The following PGAP1 variants were observed in gnomAD, a reference collection of about 807,000 sequenced individuals.
The protein encoded by PGAP1 is GPI inositol-deacylase.
PGAP1 carries 76 observed loss-of-function variants against 127.0 expected under a neutral mutation model. That is an observed-to-expected ratio of 0.60 (90% CI 0.50 to 0.72). The LOEUF (loss-of-function observed/expected upper bound fraction) is 0.72, where lower values mean the gene tolerates loss of function less well. PGAP1 is among the 30% of genes least tolerant of loss of function. PGAP1 has a pLI of 0.00. For synonymous variants in PGAP1, 362 were observed against 366.5 expected, an observed-to-expected ratio of 0.99 and a Z score of 0.14; for missense variants, 982 against 1,071.3, an observed-to-expected ratio of 0.92 and a Z score of 1.16.
rs1374716710 is a variant in PGAP1, at chr2:196,875,743, T to C, written c.1426+3A>G. 5 of 1,517,812 alleles carry C rather than the reference T, an allele frequency of 3.3e-6. No individual in the cohort carries two copies. The highest frequency in any genetic ancestry group is 4.6e-6 in the Non-Finnish European group (5 of 1,098,374). 94.0% of individuals were successfully genotyped at this position (1,517,812 alleles called of 1,614,324 possible). A position where few individuals can be genotyped will look rare whatever the true frequency, so the allele number is the denominator to read the frequency against. ...TTATGCTTTCCAAAAACAAAGTACT[T>C]ACCAAAGGAAAAAAGATGAGTTACA... On this transcript the variant is annotated splice_donor_region_variant and intron_variant, in intron 14 of 26. Transcript: ENST00000354764.
chr2:196,903,299 C>T (rs780591059), intron 4 of PGAP1, among the ~76,000 whole-genome samples: 2 of 151,080 alleles, frequency 1.3e-5, no homozygotes, highest in Admixed American at 6.6e-5. Context: ...TGGCAGTATC[C>T]CAGCTTAAAA....
intron 4 of PGAP1, among the ~76,000 whole-genome samples, chr2:196,912,316 T>G (rs1702850499): frequency 6.6e-6 from 1 of 152,066 alleles, no homozygotes; most frequent in Admixed American, 6.6e-5. Flanking sequence ...AAACACATCT[T>G]AAGAGACAGG....
At chr2:196,878,906 G>C (rs80096565) in intron 13 of PGAP1, among the ~76,000 whole-genome samples, 2 of 152,156 alleles carry the variant, frequency 1.3e-5, no homozygotes, top group Non-Finnish European at 2.9e-5. Context: ...TGAGCATCTG[G>C]AATGTGACTA....
chr2:196,911,510 G>A (rs1157351206), intron 4 of PGAP1, among the ~76,000 whole-genome samples: 1 of 95,542 alleles, frequency 1.0e-5, no homozygotes, highest in Non-Finnish European at 2.0e-5. Context: ...AATGCTAGAT[G>A]ACACATTAGT....
rs774931944 is a variant in PGAP1, at chr2:196,839,336, A to G, written c.*1898T>C. On this transcript the variant is annotated 3_prime_UTR_variant, in exon 27 of 27. Coordinates refer to ENST00000354764, the MANE Select transcript of PGAP1 (RefSeq NM_024989.4). ...GACGCAATGTGTATCAAAGTTGTTT[A>G]TAAGTATAGTTAAACATAGGGAGAT... 3 of 152,370 alleles carry G rather than the reference A, an allele frequency of 2.0e-5. No individual in the cohort carries two copies. The highest frequency in any genetic ancestry group is 4.4e-5 in the Non-Finnish European group (3 of 68,034). The allele number at this position is 152,370 out of a possible 1,614,324, so 9.4% of individuals were successfully genotyped here.
Position 196,842,887 on chromosome 2 carries a change from A to G in PGAP1, c.2526-62T>C, listed in dbSNP as rs535655250. 1.7e-5 allele frequency: 13 copies of G among 750,712 alleles called. No individual in the cohort carries two copies. In the East Asian group the frequency reaches 3.5e-4, roughly 20 times the overall value. 46.5% of individuals were successfully genotyped at this position (750,712 alleles called of 1,614,324 possible). On this transcript the variant is annotated intron_variant, in intron 25 of 26. Coordinates refer to ENST00000354764, the MANE Select transcript of PGAP1 (RefSeq NM_024989.4). ...TGACCTGATCATTTTAAATTATCAG[A>G]ATCAAGAGGATAAATATTGTTAAAG...
chr2:196,926,703 A>T lies in PGAP1; in HGVS notation c.-87T>A. On this transcript the variant is annotated 5_prime_UTR_variant, in exon 1 of 27. Coordinates refer to ENST00000354764, the MANE Select transcript of PGAP1 (RefSeq NM_024989.4). ...CCCAAGCCCGGACTGAGCGTGCTAGACACTGTCCGACCGCCACCCCCGGAG... is the reference window on the plus strand; with the variant it reads ...CCCAAGCCCGGACTGAGCGTGCTAGTCACTGTCCGACCGCCACCCCCGGAG... 6.4e-7 allele frequency: 1 copy of T among 1,554,846 alleles called. No individual in the cohort carries two copies. Among genetic ancestry groups the T allele is most frequent in the South Asian group, 1.2e-5 (1 of 86,480 alleles).
chr2:196,891,904 A>C (rs915276953), intron 9 of PGAP1, among the ~76,000 whole-genome samples: 2 of 152,116 alleles, frequency 1.3e-5, no homozygotes, highest in Non-Finnish European at 2.9e-5. Flanking sequence ...AGCTAGATCC[A>C]GCTACTAAAT....
chr2:196,894,511 CA>C (rs1702208939), intron 7 of PGAP1, among the ~76,000 whole-genome samples: 1 of 152,130 alleles, frequency 6.6e-6, no homozygotes, highest in African/African-American at 2.4e-5. Flanking sequence ...GCCTGTCTAT[CA>C]AAACTTTAGG....
chr2:196,844,530 C>A lies in PGAP1; in HGVS notation c.2331G>T (p.Gln777His). 1 of 1,594,456 alleles carries A rather than the reference C, an allele frequency of 6.3e-7. No individual in the cohort carries two copies. The highest frequency in any genetic ancestry group is 8.5e-7 in the Non-Finnish European group (1 of 1,171,952). The change falls in exon 24 of 27, where the codon CAG (glutamine) becomes CAT (histidine). Residue 777 changes from glutamine to histidine, a missense_variant. Gln to His is a conservative substitution (Grantham distance 24). Transcript: ENST00000354764. ...QASLTTFKNSQPVNPKHSRRS... is the reference protein window; with the variant it reads ...QASLTTFKNSHPVNPKHSRRS... ...TTTTGAAAATAAAACTTACCACAGGCTGGCTATTCTTAAAAGTTGTTAAGC... is the reference window on the plus strand; with the variant it reads ...TTTTGAAAATAAAACTTACCACAGGATGGCTATTCTTAAAAGTTGTTAAGC...
Position 196,839,885 on chromosome 2 carries a change from A to G in PGAP1, c.*1349T>C, listed in dbSNP as rs1576075325. ...AATGGTGGAATCACTGGAAATTTAC[A>G]TGAGAGGCTTTGTGGAATCACTAAA... On this transcript the variant is annotated 3_prime_UTR_variant, in exon 27 of 27. Coordinates refer to ENST00000354764, the MANE Select transcript of PGAP1 (RefSeq NM_024989.4). The G allele has an allele frequency of 2.6e-5, 4 of 152,348 alleles. No homozygotes were observed. Among genetic ancestry groups the G allele is most frequent in the Admixed American group, 2.0e-4 (3 of 15,302 alleles). 9.4% of individuals were successfully genotyped at this position (152,348 alleles called of 1,614,324 possible). A position where few individuals can be genotyped will look rare whatever the true frequency, so the allele number is the denominator to read the frequency against.
At position 196,872,514 on chromosome 2, in the gene PGAP1, T is replaced by C. The variant is rs753193367; in HGVS notation, c.1655A>G (p.His552Arg). 3 of 1,613,286 alleles carry C rather than the reference T, an allele frequency of 1.9e-6. No homozygotes were observed. The South Asian group carries it at 3.3e-5, about 18-fold the overall frequency. Residue 552 changes from histidine to arginine, a missense_variant, in exon 18 of 27, where the codon CAT becomes CGT. His to Arg is a conservative substitution (Grantham distance 29). Transcript: ENST00000354764. ...PSSTEISLKL[H>R]IAQPENNTHV... Reference sequence around the variant, plus strand: ...GGTATTGTTTTCTGGTTGAGCAATATGGAGTTTCAGAGAAATTTCTGTGGA... The same window carrying C: ...GGTATTGTTTTCTGGTTGAGCAATACGGAGTTTCAGAGAAATTTCTGTGGA...
At chr2:196,845,674 C>T (rs893431226) in intron 23 of PGAP1, among the ~76,000 whole-genome samples, 1 of 151,348 alleles carries the variant, frequency 6.6e-6, no homozygotes, top group African/African-American at 2.4e-5. Context: ...TCCTTTTTAA[C>T]AACAAAAAAA....
rs549757965 is a variant in PGAP1, at chr2:196,885,341, T to G, written c.1272+83A>C. The G allele has an allele frequency of 2.8e-5, 24 of 872,202 alleles. No individual in the cohort carries two copies. The African/African-American group carries it at 2.9e-4, about 10-fold the overall frequency. 54.0% of individuals were successfully genotyped at this position (872,202 alleles called of 1,614,324 possible). On this transcript the variant is annotated intron_variant, in intron 12 of 26. Transcript: ENST00000354764. ...AAGTTTATTTAATACCAAGATAAGCTAATGAAAGAGAATATTTTAAAATGT... is the reference window on the plus strand; with the variant it reads ...AAGTTTATTTAATACCAAGATAAGCGAATGAAAGAGAATATTTTAAAATGT...
chr2:196,844,283 T>C (rs1201483573), intron 24 of PGAP1, among the ~76,000 whole-genome samples: 1 of 152,158 alleles, frequency 6.6e-6, no homozygotes, highest in Non-Finnish European at 1.5e-5. Flanking sequence ...GCTAAGAATA[T>C]ATCTAAGTAA....
In PGAP1 at chr2:196,847,013, C is replaced by T. The variant is rs1384046890; in HGVS notation, c.2140G>A (p.Ala714Thr). ...SVRLLSSLWL[A>T]LKRPSELPKD... ...TCATTCATTCTTTACCTTTTCAAAG[C>T]TAGCCACAATGAAGAAAGAAGTCTC... Residue 714 changes from alanine (A) to threonine (T), a missense_variant, in exon 22 of 27, where the codon GCT (alanine) becomes ACT (threonine). Ala to Thr is a moderately conservative substitution (Grantham distance 58, BLOSUM62 0). Transcript: ENST00000354764. 1.2e-6 allele frequency: 2 copies of T among 1,612,270 alleles called. No homozygotes were observed. Among genetic ancestry groups the T allele is most frequent in the Non-Finnish European group, 1.7e-6 (2 of 1,178,992 alleles).
intron 7 of PGAP1, among the ~76,000 whole-genome samples, chr2:196,895,542 T>G (rs1380302854): frequency 6.6e-6 from 1 of 152,202 alleles, no homozygotes; most frequent in African/African-American, 2.4e-5. Context: ...CATGACCAAG[T>G]CACAGTGTCA....
In PGAP1 at chr2:196,912,928, G is replaced by T; in HGVS notation, c.603C>A (p.Ala201=). The T allele has an allele frequency of 6.8e-6, 11 of 1,613,646 alleles. No individual in the cohort carries two copies. Among genetic ancestry groups the T allele is most frequent in the Non-Finnish European group, 8.5e-6 (10 of 1,179,858 alleles). Residue 201 remains alanine, a synonymous_variant, in exon 4 of 27, where the codon GCC becomes GCA. Coordinates refer to ENST00000354764, the MANE Select transcript of PGAP1 (RefSeq NM_024989.4). The part of the protein sequence containing the change: ...HDLINLLITQ[A]TPHVAPVMPL... ...GCATCACAGGAGCAACATGAGGTGTGGCTTGTGTAATAAGAAGATTTATCA... is the reference window on the plus strand; with the variant it reads ...GCATCACAGGAGCAACATGAGGTGTTGCTTGTGTAATAAGAAGATTTATCA...
intron 24 of PGAP1, among the ~76,000 whole-genome samples, 163 bp from the exon 25 acceptor site, chr2:196,844,238 T>C (rs1014795463): frequency 1.3e-5 from 2 of 152,170 alleles, no homozygotes; most frequent in African/African-American, 4.8e-5. Context: ...AAAATTGTTA[T>C]AAAACCTTTA....
Sources: allele counts gnomAD v4.1 joint callset (sites outside exome capture counted in the v4.1 genomes callset), GRCh38; gene constraint gnomAD v4.1.1; transcripts MANE v1.5; gene names NCBI Gene and HGNC (gene_info 2026-07-23, HGNC 2026-07-21).